The following CRYL1 variants were observed in gnomAD, a reference collection of about 807,000 sequenced individuals.
CRYL1 encodes crystallin lambda 1.
Under a neutral mutation model 36.6 loss-of-function variants are expected in CRYL1, and 29 were observed. That is an observed-to-expected ratio of 0.79 (90% CI 0.59 to 1.08). The LOEUF (loss-of-function observed/expected upper bound fraction) is 1.08. CRYL1 is among the 50% of genes least tolerant of loss of function. CRYL1 has a pLI of 0.00. For missense variants in CRYL1, 411 were observed against 407.9 expected (o/e 1.01, Z -0.06); for synonymous variants, 152 against 151.5 (o/e 1.00, Z -0.02).
At chr13:20,517,712 G>A (rs2137518035) in intron 1 of CRYL1, among the ~76,000 whole-genome samples, 2 of 152,178 alleles carry the variant, frequency 1.3e-5, no homozygotes, top group Admixed American at 1.3e-4. Context: ...CGAGGCGGGT[G>A]GATCACGAGG....
At chr13:20,466,295 A>C (rs970285764) in intron 3 of CRYL1, among the ~76,000 whole-genome samples, 8 of 152,252 alleles carry the variant, frequency 5.3e-5, no homozygotes, top group African/African-American at 1.9e-4. Context: ...CAAGAAATAA[A>C]GGAAAAGATG....
At chr13:20,411,606 T>A (rs2137365030) in intron 6 of CRYL1, among the ~76,000 whole-genome samples, 1 of 152,374 alleles carries the variant, frequency 6.6e-6, no homozygotes, top group East Asian at 1.9e-4. Flanking sequence ...ACATTTCAAA[T>A]GCTTAAATAT....
chr13:20,508,415 C>G (rs976341532), intron 2 of CRYL1, among the ~76,000 whole-genome samples: 3 of 152,160 alleles, frequency 2.0e-5, no homozygotes, highest in African/African-American at 7.2e-5. Context: ...AGGAAGACCA[C>G]AAATTCCTTA....
At chr13:20,463,245 A>C (rs1184415968) in intron 3 of CRYL1, among the ~76,000 whole-genome samples, 1 of 152,230 alleles carries the variant, frequency 6.6e-6, no homozygotes, top group Non-Finnish European at 1.5e-5. Flanking sequence ...ATTGTCAAAA[A>C]TTTAGACAAA....
rs900472819 is a variant in CRYL1 at position 20,456,605 on chromosome 13, AAC to A, written c.277-16853_277-16852del. 8.4e-3 allele frequency among the ~76,000 whole-genome samples: 545 copies of A among 64,694 alleles called. 5 individuals are homozygous for A. The highest frequency in any genetic ancestry group is 0.026 in the African/African-American group (512 of 19,722). The allele number at this position is 64,694 out of a possible 152,430, so 42.4% of individuals were successfully genotyped here. On this transcript the variant is annotated intron_variant, in intron 3 of 7. Transcript: ENST00000298248. ...GCCTGGGCAAGACCACGATTCTTAA[AAC>A]ACACACACACACACACACACACACA...
intron 5 of CRYL1, chr13:20,426,793 A>G: frequency 2.0e-6 from 2 of 985,386 alleles, no homozygotes; most frequent in East Asian, 1.1e-4. Flanking sequence ...GTAAAGCTCA[A>G]CGATGAAGTT....
chr13:20,507,651 G>A (rs2033817659), intron 2 of CRYL1, among the ~76,000 whole-genome samples: 1 of 152,216 alleles, frequency 6.6e-6, no homozygotes, highest in African/African-American at 2.4e-5. Flanking sequence ...GGGCACAGTG[G>A]CTCACACCTG....
At chr13:20,432,778 G>C (rs59484833) in intron 4 of CRYL1, among the ~76,000 whole-genome samples, 1,899 of 152,282 alleles carry the variant, frequency 0.012, 42 homozygotes, top group African/African-American at 0.043. Flanking sequence ...AGAACTTTGG[G>C]AGGTCGAGGT....
chr13:20,517,878 G>C (rs1296854276), intron 1 of CRYL1, among the ~76,000 whole-genome samples: 1 of 147,602 alleles, frequency 6.8e-6, no homozygotes. Context: ...GGAGCTTGCA[G>C]TGAGCCGAGA....
At chr13:20,452,107 G>T (rs1217729237) in intron 3 of CRYL1, among the ~76,000 whole-genome samples, 1 of 151,952 alleles carries the variant, frequency 6.6e-6, no homozygotes, top group Non-Finnish European at 1.5e-5. Context: ...CATAAAGATG[G>T]CAACCACAGA....
intron 3 of CRYL1, among the ~76,000 whole-genome samples, chr13:20,472,226 C>T (rs961392870): frequency 6.6e-6 from 1 of 152,130 alleles, no homozygotes; most frequent in African/African-American, 2.4e-5. Context: ...CTCCTATATA[C>T]TTTAAACCAC....
chr13:20,438,166 G>A (rs1043519260), intron 4 of CRYL1, among the ~76,000 whole-genome samples: 1 of 152,114 alleles, frequency 6.6e-6, no homozygotes, highest in African/African-American at 2.4e-5. Flanking sequence ...CCAGGACCAT[G>A]CAGCTATGTA....
intron 1 of CRYL1, among the ~76,000 whole-genome samples, chr13:20,512,805 G>A (rs1227451989): frequency 6.6e-6 from 1 of 152,172 alleles, no homozygotes; most frequent in African/African-American, 2.4e-5. Flanking sequence ...ACGGGGGTGG[G>A]AGAGGGAGGA....
chr13:20,492,293 A>G (rs960172907), intron 2 of CRYL1, among the ~76,000 whole-genome samples: 4 of 152,258 alleles, frequency 2.6e-5, no homozygotes, highest in African/African-American at 9.6e-5. Flanking sequence ...GGACGTGTCA[A>G]ATGAGTCAAT....
At chr13:20,467,457 T>C (rs906446724) in intron 3 of CRYL1, among the ~76,000 whole-genome samples, 6 of 152,190 alleles carry the variant, frequency 3.9e-5, no homozygotes, top group Non-Finnish European at 7.4e-5. Context: ...TATACATGAG[T>C]CGTCACTATA....
chr13:20,442,690 C>G (rs2032374550), intron 3 of CRYL1, among the ~76,000 whole-genome samples: 1 of 152,156 alleles, frequency 6.6e-6, no homozygotes, highest in Non-Finnish European at 1.5e-5. Context: ...GAAGCACTAG[C>G]AAAAATTCTA....
At chr13:20,495,536 G>T (rs2033590116) in intron 2 of CRYL1, among the ~76,000 whole-genome samples, 1 of 152,150 alleles carries the variant, frequency 6.6e-6, no homozygotes, top group Non-Finnish European at 1.5e-5. Context: ...GTGCACTGAT[G>T]ATGGGAATGT....
At chr13:20,463,065 G>A (rs2032863702) in intron 3 of CRYL1, among the ~76,000 whole-genome samples, 1 of 152,116 alleles carries the variant, frequency 6.6e-6, no homozygotes, top group African/African-American at 2.4e-5. Context: ...AGCAGAACCC[G>A]AAGCTGGGTC....
rs2032069988 is a variant in CRYL1 at position 20,431,944 on chromosome 13, G to A, written c.633+158C>T. On this transcript the variant is annotated intron_variant, in intron 5 of 7. Coordinates refer to ENST00000298248, the MANE Select transcript of CRYL1 (RefSeq NM_015974.3). ...TATTTTGGTTCTAAAGCTGGCCCTT[G>A]GTCTCCAGAATAGAGCAAGAAGAAG... is the stretch of plus-strand genomic sequence containing the variant. 2.0e-6 allele frequency: 3 copies of A among 1,537,610 alleles called. No homozygotes were observed. In the East Asian group the frequency reaches 7.3e-5, roughly 38 times the overall value.
Sources: gnomAD v4.1 joint callset for allele counts (sites outside exome capture counted in the v4.1 genomes callset) on GRCh38, gnomAD v4.1.1 for gene constraint, MANE v1.5 for transcripts, NCBI Gene and HGNC (gene_info 2026-07-23, HGNC 2026-07-21) for gene names.